The following GALNT13 variants were observed in gnomAD, a reference collection of about 807,000 sequenced individuals.
The protein encoded by GALNT13 is polypeptide N-acetylgalactosaminyltransferase 13.
Under a neutral mutation model 64.2 loss-of-function variants are expected in GALNT13, and 28 were observed. The ratio of observed to expected loss-of-function variants is 0.44; its 90% CI spans 0.32 to 0.60. GALNT13 has a LOEUF of 0.60. GALNT13 is among the 20% of genes least tolerant of loss of function. GALNT13 has a pLI of 0.05. For missense variants in GALNT13, 577 were observed against 669.8 expected, an observed-to-expected ratio of 0.86 and a Z score of 1.53; for synonymous variants, 214 against 224.6, an observed-to-expected ratio of 0.95 and a Z score of 0.42.
At chr2:153,549,143 G>A in the GALNT13 span, among the ~76,000 whole-genome samples, 9 of 152,064 alleles carry the variant, frequency 5.9e-5, no homozygotes, top group Admixed American at 6.6e-5. Context: ...GATGGGTAGG[G>A]GTTTCTTTTT....
the GALNT13 span, among the ~76,000 whole-genome samples, chr2:153,305,799 G>T: frequency 4.6e-5 from 7 of 151,996 alleles, no homozygotes; most frequent in Non-Finnish European, 7.4e-5. Flanking sequence ...CCCATGACAG[G>T]TTTTATTTTT....
At chr2:153,463,694 G>T in the GALNT13 span, among the ~76,000 whole-genome samples, 1 of 152,064 alleles carries the variant, frequency 6.6e-6, no homozygotes, top group Non-Finnish European at 1.5e-5. Context: ...TAACTCAACT[G>T]TAATCATGGC....
the GALNT13 span, among the ~76,000 whole-genome samples, chr2:153,454,834 T>C: frequency 3.3e-5 from 5 of 152,362 alleles, no homozygotes; most frequent in South Asian, 8.3e-4. Flanking sequence ...TTCTTTGTAA[T>C]ATTGTAACAA....
the GALNT13 span, among the ~76,000 whole-genome samples, chr2:153,825,242 C>T: frequency 6.6e-6 from 1 of 152,082 alleles, no homozygotes; most frequent in African/African-American, 2.4e-5. Flanking sequence ...CAGGACATCC[C>T]TAATAATAAA....
At chr2:154,281,244 A>G (rs1233189852) in intron 8 of GALNT13, among the ~76,000 whole-genome samples, 1 of 152,214 alleles carries the variant, frequency 6.6e-6, no homozygotes, top group African/African-American at 2.4e-5. Context: ...TATATTATGT[A>G]GGATTTCTAA....
chr2:154,037,143 A>C (rs1558923517), intron 3 of GALNT13, among the ~76,000 whole-genome samples: 1 of 152,080 alleles, frequency 6.6e-6, no homozygotes, highest in Non-Finnish European at 1.5e-5. Flanking sequence ...CTTCATTATA[A>C]TGGTTTTGAA....
chr2:153,116,794 C>T, the GALNT13 span, among the ~76,000 whole-genome samples: 12 of 82,468 alleles, frequency 1.5e-4, no homozygotes, highest in South Asian at 1.1e-3. Flanking sequence ...GTGTTGTCTT[C>T]TTTTTTTTTT....
the GALNT13 span, among the ~76,000 whole-genome samples, chr2:153,411,862 T>G: frequency 6.6e-6 from 1 of 152,180 alleles, no homozygotes; most frequent in Non-Finnish European, 1.5e-5. Flanking sequence ...TTGATTGGAT[T>G]GAAAGATGCA....
chr2:154,379,208 A>T (rs1056656152), intron 9 of GALNT13, among the ~76,000 whole-genome samples: 2 of 152,142 alleles, frequency 1.3e-5, no homozygotes, highest in African/African-American at 4.8e-5. Context: ...TTGTATTTTC[A>T]TATGATAATA....
the GALNT13 span, among the ~76,000 whole-genome samples, chr2:153,153,163 G>C: frequency 3.3e-5 from 5 of 151,998 alleles, no homozygotes; most frequent in Admixed American, 6.6e-5. Context: ...CAGTGATGTT[G>C]AGCTTTTTTC....
At chr2:153,183,210 G>A in the GALNT13 span, among the ~76,000 whole-genome samples, 5 of 152,108 alleles carry the variant, frequency 3.3e-5, no homozygotes, top group Admixed American at 3.3e-4. Context: ...GTTTTGATTT[G>A]CATTTCTCTA....
the GALNT13 span, among the ~76,000 whole-genome samples, chr2:153,639,552 T>C: frequency 3.9e-5 from 6 of 152,110 alleles, no homozygotes; most frequent in East Asian, 1.2e-3. Flanking sequence ...AAGAAGTCAA[T>C]GAGTGAGAGA....
chr2:154,421,729 G>C (rs1286024252), intron 11 of GALNT13, among the ~76,000 whole-genome samples: 9 of 151,964 alleles, frequency 5.9e-5, no homozygotes, highest in Non-Finnish European at 1.2e-4. Flanking sequence ...TGAAGCATGT[G>C]TTAGCAGTAT....
chr2:153,535,468 G>A, the GALNT13 span, among the ~76,000 whole-genome samples: 1 of 152,192 alleles, frequency 6.6e-6, no homozygotes, highest in Non-Finnish European at 1.5e-5. Context: ...GCATGTATGA[G>A]TAGTTGAGAA....
intron 12 of GALNT13, among the ~76,000 whole-genome samples, chr2:154,442,234 A>G (rs1314987287): frequency 1.3e-5 from 2 of 152,098 alleles, no homozygotes; most frequent in Non-Finnish European, 2.9e-5. Flanking sequence ...CTACTTTGTC[A>G]TTTTGCTCTA....
chr2:153,822,969 A>C, the GALNT13 span, among the ~76,000 whole-genome samples: 1 of 152,218 alleles, frequency 6.6e-6, no homozygotes, highest in South Asian at 2.1e-4. Flanking sequence ...GTATTTATAT[A>C]GATCAATAAT....
the GALNT13 span, among the ~76,000 whole-genome samples, chr2:153,608,645 T>C: frequency 6.8e-6 from 1 of 148,016 alleles, no homozygotes; most frequent in African/African-American, 2.5e-5. Context: ...TTCATACATA[T>C]ATATAGACAA....
At chr2:154,269,235 G>A (rs1340283855) in intron 8 of GALNT13, among the ~76,000 whole-genome samples, 1 of 151,964 alleles carries the variant, frequency 6.6e-6, no homozygotes, top group East Asian at 1.9e-4. Flanking sequence ...CTTAAAGAAA[G>A]TAAAGAATTT....
the GALNT13 span, among the ~76,000 whole-genome samples, chr2:153,675,510 C>T: frequency 5.3e-5 from 8 of 151,954 alleles, no homozygotes; most frequent in Non-Finnish European, 7.4e-5. Flanking sequence ...CACGTGGACA[C>T]AGGGAGGGGA....
Sources: gnomAD v4.1 joint callset for allele counts (sites outside exome capture counted in the v4.1 genomes callset) on GRCh38, gnomAD v4.1.1 for gene constraint, MANE v1.5 for transcripts, NCBI Gene and HGNC (gene_info 2026-07-23, HGNC 2026-07-21) for gene names.